PSME4: variants seen among roughly 807,000 people sequenced by gnomAD.
The protein encoded by PSME4 is proteasome activator subunit 4, also known as proteasome activator complex subunit 4.
A neutral mutation model predicts 253.9 loss-of-function variants in PSME4; 89 were observed. That is an observed-to-expected ratio of 0.35 (90% CI 0.30 to 0.42). The LOEUF is 0.42. Among genes scored for constraint, PSME4 ranks in the 10% least tolerant of loss-of-function variants. PSME4 has a pLI of 1.00. For synonymous variants in PSME4, 851 were observed against 759.2 expected (o/e 1.12, Z -1.99); for missense variants, 2,014 against 2,195.2 (o/e 0.92, Z 1.65).
intron 19 of PSME4, 55 bp from the exon 20 acceptor site, chr2:53,919,301 G>T: frequency 7.9e-6 from 12 of 1,511,918 alleles, no homozygotes; most frequent in East Asian, 4.8e-5. Context: ...TAATAAGCCT[G>T]CTAGAGCCTA....
intron 8 of PSME4, among the ~76,000 whole-genome samples, 188 bp downstream of exon 8, chr2:53,934,417 G>C (rs1003196424): frequency 3.9e-5 from 6 of 152,130 alleles, no homozygotes; most frequent in Non-Finnish European, 5.9e-5. Context: ...CCATTGGTTA[G>C]GGAGATTTAG....
intron 3 of PSME4, among the ~76,000 whole-genome samples, chr2:53,940,850 T>C (rs1432810555): frequency 7.0e-6 from 1 of 142,044 alleles, no homozygotes; most frequent in East Asian, 2.0e-4. Context: ...CTCAAAAAAA[T>C]TTATATATAT....
chr2:53,876,978 C>T (rs1045303504), intron 41 of PSME4, among the ~76,000 whole-genome samples: 1 of 151,758 alleles, frequency 6.6e-6, no homozygotes, highest in Non-Finnish European at 1.5e-5. Flanking sequence ...CTGCGCTGGC[C>T]TCCCAAAGTG....
chr2:53,944,634 G>A (rs924309031), intron 3 of PSME4, among the ~76,000 whole-genome samples: 2 of 152,038 alleles, frequency 1.3e-5, no homozygotes, highest in Admixed American at 6.6e-5. Context: ...CTCACCATTT[G>A]ATTATCATAT....
chr2:53,940,222 A>G (rs1270480476), intron 3 of PSME4, among the ~76,000 whole-genome samples: 1 of 152,162 alleles, frequency 6.6e-6, no homozygotes, highest in African/African-American at 2.4e-5. Flanking sequence ...TCTGGTATGA[A>G]CTAAAGGGAA....
intron 21 of PSME4, among the ~76,000 whole-genome samples, chr2:53,909,095 G>T (rs1044080858): frequency 1.3e-5 from 2 of 151,972 alleles, no homozygotes; most frequent in African/African-American, 4.8e-5. Flanking sequence ...TAGATAAAAT[G>T]ACCTGCTTAT....
intron 1 of PSME4, among the ~76,000 whole-genome samples, chr2:53,951,249 A>C (rs1669975873): frequency 6.6e-6 from 1 of 152,032 alleles, no homozygotes; most frequent in Admixed American, 6.6e-5. Flanking sequence ...CGCCCGGCTA[A>C]TTTTTGTAAT....
At chr2:53,955,579 A>G (rs1422674075) in intron 1 of PSME4, among the ~76,000 whole-genome samples, 1 of 152,220 alleles carries the variant, frequency 6.6e-6, no homozygotes, top group East Asian at 1.9e-4. Flanking sequence ...AGCAAGGCTC[A>G]AAACAAATAT....
intron 30 of PSME4, 53 bp downstream of exon 30, chr2:53,898,248 C>T (rs1305953042): frequency 6.7e-7 from 1 of 1,503,268 alleles, no homozygotes; most frequent in South Asian, 1.2e-5. Context: ...TAGAAAACTC[C>T]TATAGTATTT....
At chr2:53,892,582 T>C (rs1354485365) in intron 36 of PSME4, among the ~76,000 whole-genome samples, 1 of 152,188 alleles carries the variant, frequency 6.6e-6, no homozygotes, top group African/African-American at 2.4e-5. Context: ...TTTTAAATTT[T>C]TTCCCCCAAT....
intron 41 of PSME4, among the ~76,000 whole-genome samples, chr2:53,882,879 A>C (rs1256400798): frequency 6.6e-6 from 1 of 151,160 alleles, no homozygotes; most frequent in African/African-American, 2.4e-5. Context: ...ACTGTGTAGG[A>C]AAATAACATT....
chr2:53,879,025 G>A (rs1437894590), intron 41 of PSME4, among the ~76,000 whole-genome samples: 1 of 152,104 alleles, frequency 6.6e-6, no homozygotes, highest in Non-Finnish European at 1.5e-5. Flanking sequence ...GACATGGGAT[G>A]TCTCCCCCGG....
At chr2:53,950,729 T>C (rs1669938395) in intron 1 of PSME4, among the ~76,000 whole-genome samples, 1 of 151,146 alleles carries the variant, frequency 6.6e-6, no homozygotes, top group South Asian at 2.1e-4. Flanking sequence ...TAATCCCAGC[T>C]ACTAGGGAGG....
At chr2:53,915,031 G>A (rs1211367928) in intron 20 of PSME4, among the ~76,000 whole-genome samples, 1 of 152,160 alleles carries the variant, frequency 6.6e-6, no homozygotes, top group East Asian at 1.9e-4. Context: ...ATATAGCACA[G>A]AAGACAGGTT....
chr2:53,900,036 G>A lies in PSME4; in HGVS notation c.3286-19C>T, dbSNP rs1316166227. ...TTGGAATCTTGTTAAAAAGAAAAAA[G>A]CAGGAAAAAAAATGAAGTTCTGATG... On this transcript the variant is annotated intron_variant, in intron 28 of 46. Transcript: ENST00000404125. 8.1e-6 allele frequency: 13 copies of A among 1,602,744 alleles called. No homozygotes were observed. The highest frequency in any genetic ancestry group is 6.9e-5 in the Admixed American group (4 of 57,598).
chr2:53,912,952 C>G (rs1667891827), intron 20 of PSME4, among the ~76,000 whole-genome samples: 1 of 152,186 alleles, frequency 6.6e-6, no homozygotes. Flanking sequence ...TCTTAAGGCA[C>G]TGTCTTACAG....
At chr2:53,943,577 A>T (rs1669555045) in intron 3 of PSME4, among the ~76,000 whole-genome samples, 1 of 152,194 alleles carries the variant, frequency 6.6e-6, no homozygotes, top group Non-Finnish European at 1.5e-5. Flanking sequence ...GCAGTGGCTC[A>T]TGCCTGTAAT....
At position 53,892,850 on chromosome 2, in the gene PSME4, T is replaced by G; in HGVS notation, c.4149A>C (p.Ile1383=). 1 of 1,613,860 alleles carries G rather than the reference T, an allele frequency of 6.2e-7. No homozygotes were observed. The highest frequency in any genetic ancestry group is 8.5e-7 in the Non-Finnish European group (1 of 1,179,852). Residue 1383 remains isoleucine, a synonymous_variant, in exon 36 of 47, where the codon ATA becomes ATC. Transcript: ENST00000404125. ...GCTTAGAACCTCTGATTAAACCAGC[T>G]ATAATTTCTGCAACACATCGCTGGG... ...ESTQRCVAEI[I]AGLIRGSKHW... is the part of the protein sequence containing the mutation.
At chr2:53,900,263 G>A (rs534199758) in intron 28 of PSME4, among the ~76,000 whole-genome samples, 1 of 152,128 alleles carries the variant, frequency 6.6e-6, no homozygotes, top group African/African-American at 2.4e-5. Context: ...TTGGGGTGAT[G>A]AAAACATTGT....
Sources: gnomAD v4.1 joint callset for allele counts (sites outside exome capture counted in the v4.1 genomes callset) on GRCh38, gnomAD v4.1.1 for gene constraint, MANE v1.5 for transcripts, NCBI Gene and HGNC (gene_info 2026-07-23, HGNC 2026-07-21) for gene names.